NTN1: variants seen among roughly 807,000 people sequenced by gnomAD.
NTN1 encodes netrin 1.
In NTN1, 11 loss-of-function variants were observed where a neutral mutation model predicts 54.2. That is an observed-to-expected ratio of 0.20 (90% CI 0.13 to 0.34). The LOEUF is 0.34. Ranked by LOEUF, NTN1 falls within the 10% of genes least tolerant of loss-of-function variation. The pLI is 1.00. For missense variants in NTN1, 740 were observed against 893.1 expected, an observed-to-expected ratio of 0.83 and a Z score of 2.18; for synonymous variants, 371 against 382.0, an observed-to-expected ratio of 0.97 and a Z score of 0.33.
chr17:9,031,172 G>T (rs2091887278), intron 2 of NTN1, among the ~76,000 whole-genome samples: 2 of 152,146 alleles, frequency 1.3e-5, no homozygotes, highest in African/African-American at 4.8e-5. Context: ...CTCTAAAGGG[G>T]CTGGCTTTAA....
chr17:9,079,858 A>C (rs2092064728), intron 2 of NTN1, among the ~76,000 whole-genome samples: 2 of 144,280 alleles, frequency 1.4e-5, no homozygotes, highest in Non-Finnish European at 3.0e-5. Flanking sequence ...GCCCCCAAGG[A>C]GGTGGTTCCC....
At chr17:9,183,621 T>C in intron 5 of NTN1, 1 of 244,644 alleles carries the variant, frequency 4.1e-6, no homozygotes, top group South Asian at 4.6e-5. Context: ...CTAGACCTGC[T>C]GCTAGATCCT....
At chr17:9,010,334 C>T in the NTN1 span, among the ~76,000 whole-genome samples, 12 of 152,296 alleles carry the variant, frequency 7.9e-5, no homozygotes, top group East Asian at 3.9e-4. Flanking sequence ...TGGGTTGTAA[C>T]GGGTGCTGCA....
chr17:9,205,540 T>TGGAGCCCACGGGTTCGAGGCTG (rs1440704486), intron 5 of NTN1, among the ~76,000 whole-genome samples: 15 of 152,240 alleles, frequency 9.9e-5, no homozygotes, highest in African/African-American at 2.7e-4. Flanking sequence ...GTAGGATCAT[T>TGGAGCCCACGGGTTCGAGGCTG]GGAGCCCACG....
At chr17:9,157,114 A>G (rs1438662659) in intron 2 of NTN1, among the ~76,000 whole-genome samples, 1 of 152,208 alleles carries the variant, frequency 6.6e-6, no homozygotes, top group African/African-American at 2.4e-5. Flanking sequence ...CATTTGCACA[A>G]CAAAAATGTA....
chr17:9,075,123 G>T (rs1191123997), intron 2 of NTN1, among the ~76,000 whole-genome samples: 1 of 152,160 alleles, frequency 6.6e-6, no homozygotes, highest in Non-Finnish European at 1.5e-5. Flanking sequence ...CAAATCCCAG[G>T]CCCACCACTT....
At chr17:9,063,970 A>AT (rs756788930) in intron 2 of NTN1, among the ~76,000 whole-genome samples, 2 of 151,856 alleles carry the variant, frequency 1.3e-5, no homozygotes, top group East Asian at 1.9e-4. Flanking sequence ...TGATTTATTT[A>AT]TTTTTTCAAT....
intron 2 of NTN1, among the ~76,000 whole-genome samples, chr17:9,070,589 CT>C: frequency 6.6e-6 from 1 of 152,118 alleles, no homozygotes; most frequent in East Asian, 1.9e-4. Context: ...TGGTTTGGAG[CT>C]CACATTTTTA....
chr17:9,204,796 A>C (rs1453470197), intron 5 of NTN1, among the ~76,000 whole-genome samples: 1 of 152,230 alleles, frequency 6.6e-6, no homozygotes, highest in Non-Finnish European at 1.5e-5. Flanking sequence ...TCAATGAGGA[A>C]TACCTTACTG....
chr17:9,200,177 G>T (rs942661405), intron 5 of NTN1, among the ~76,000 whole-genome samples: 1 of 152,272 alleles, frequency 6.6e-6, no homozygotes, highest in Non-Finnish European at 1.5e-5. Flanking sequence ...GCTGACAGCA[G>T]TTCTAGTCTG....
At chr17:9,117,333 C>T (rs1045165348) in intron 2 of NTN1, among the ~76,000 whole-genome samples, 2 of 152,112 alleles carry the variant, frequency 1.3e-5, no homozygotes, top group East Asian at 1.9e-4. Flanking sequence ...CGGCCTGGGG[C>T]GGAAACTTGC....
chr17:9,136,030 G>C (rs759698723), intron 2 of NTN1, among the ~76,000 whole-genome samples: 2 of 152,100 alleles, frequency 1.3e-5, no homozygotes, highest in Admixed American at 1.3e-4. Flanking sequence ...CCATTTCCTC[G>C]TGTCCCCCTG....
At chr17:9,031,008 T>C (rs1033193007) in intron 2 of NTN1, among the ~76,000 whole-genome samples, 1 of 152,200 alleles carries the variant, frequency 6.6e-6, no homozygotes, top group Non-Finnish European at 1.5e-5. Context: ...AACCCATCTG[T>C]GCCCCCTCCT....
At chr17:9,155,089 T>G (rs1308356344) in intron 2 of NTN1, among the ~76,000 whole-genome samples, 1 of 152,220 alleles carries the variant, frequency 6.6e-6, no homozygotes, top group African/African-American at 2.4e-5. Flanking sequence ...GGCCCTGTCC[T>G]CTCCCCGTTG....
intron 5 of NTN1, among the ~76,000 whole-genome samples, chr17:9,191,685 G>A (rs554302852): frequency 3.7e-4 from 57 of 152,098 alleles, no homozygotes; most frequent in Non-Finnish European, 7.1e-4. Context: ...ATATGCATAG[G>A]AAGCATTAAA....
chr17:9,041,632 T>A (rs982619922), intron 2 of NTN1, among the ~76,000 whole-genome samples: 4 of 152,228 alleles, frequency 2.6e-5, no homozygotes, highest in Non-Finnish European at 5.9e-5. Flanking sequence ...ATAATGCTGC[T>A]ATGAGCATTG....
chr17:9,054,593 AAGG>A (rs1334051153), intron 2 of NTN1, among the ~76,000 whole-genome samples: 1 of 152,244 alleles, frequency 6.6e-6, no homozygotes, highest in East Asian at 1.9e-4. Context: ...GGCAGAAAGA[AAGG>A]AGGAGGGAGA....
intron 2 of NTN1, among the ~76,000 whole-genome samples, chr17:9,143,255 G>A (rs2092303592): frequency 6.6e-6 from 1 of 152,202 alleles, no homozygotes; most frequent in Admixed American, 6.5e-5. Flanking sequence ...CTGTCGGATG[G>A]CAGCAGGGGG....
chr17:9,032,112 C>T (rs908908639), intron 2 of NTN1, among the ~76,000 whole-genome samples: 3 of 152,154 alleles, frequency 2.0e-5, no homozygotes, highest in Non-Finnish European at 4.4e-5. Context: ...GGATAGGCGC[C>T]CCCAGTGAGG....
Sources: gnomAD v4.1 joint callset for allele counts (sites outside exome capture counted in the v4.1 genomes callset) on GRCh38, gnomAD v4.1.1 for gene constraint, MANE v1.5 for transcripts, NCBI Gene and HGNC (gene_info 2026-07-23, HGNC 2026-07-21) for gene names.